The following TANGO2 variants were observed in gnomAD, a reference collection of about 807,000 sequenced individuals.
TANGO2 encodes the protein transport and Golgi organization protein 2 homolog.
TANGO2 carries 26 observed loss-of-function variants against 39.1 expected under a neutral mutation model. The ratio of observed to expected loss-of-function variants is 0.67; its 90% CI spans 0.49 to 0.92. The LOEUF (loss-of-function observed/expected upper bound fraction) is 0.92. TANGO2 is among the 40% of genes least tolerant of loss of function. The pLI, the probability that TANGO2 is intolerant of heterozygous loss-of-function variation, is 0.00. For synonymous variants in TANGO2, 131 were observed against 144.5 expected (o/e 0.91, Z 0.67); for missense variants, 326 against 360.1 (o/e 0.91, Z 0.77).
At chr22:20,032,416 G>C (rs1182719276) in intron 1 of TANGO2, among the ~76,000 whole-genome samples, 1 of 152,276 alleles carries the variant, frequency 6.6e-6, no homozygotes, top group African/African-American at 2.4e-5. Context: ...CAGATGTTCA[G>C]ATGCTTCTGG....
chr22:20,063,772 G>T (rs2048811657), intron 8 of TANGO2, among the ~76,000 whole-genome samples: 1 of 152,270 alleles, frequency 6.6e-6, no homozygotes, highest in Admixed American at 6.5e-5. Context: ...GGTGGTGGCT[G>T]CTGGCCAGCC....
chr22:20,053,516 G>T lies in TANGO2; in HGVS notation c.345G>T (p.Leu115=), dbSNP rs756927846. Residue 115 remains leucine (L), a synonymous_variant, in exon 5 of 9, where the codon CTG becomes CTT. Coordinates refer to ENST00000327374, the MANE Select transcript of TANGO2 (RefSeq NM_152906.7). ...YLKKVSMEGH[L]YNGFNLIAAD... ...AGAAGGTCTCTATGGAGGGCCATCT[G>T]TACAATGGCTTCAACCTCATAGCAG... is the stretch of plus-strand genomic sequence containing the variant. 6.2e-7 allele frequency: 1 copy of T among 1,613,798 alleles called. No homozygotes were observed. Among genetic ancestry groups the T allele is most frequent in the East Asian group, 2.2e-5 (1 of 44,872 alleles).
intron 6 of TANGO2, chr22:20,056,744 G>T (rs2047433990): frequency 2.2e-6 from 1 of 456,306 alleles, no homozygotes; most frequent in Non-Finnish European, 4.4e-6. Flanking sequence ...GCACTCCTGG[G>T]AAATGGCATT....
chr22:20,052,465 G>A lies in TANGO2; in HGVS notation c.146G>A (p.Gly49Glu), dbSNP rs2046533408. Residue 49 changes from glycine (G) to glutamate (E), a missense_variant and splice_region_variant, in exon 4 of 9, where the codon GGG (glycine) becomes GAG (glutamate). Gly to Glu is a moderately conservative substitution (Grantham distance 98). Transcript: ENST00000327374. ...FWGNNNEILS[G>E]LDMEEGKEGG... ...GTGGTAACACTGTCATCTGCCACAG[G>A]GCTGGACATGGAGGAAGGCAAGGAA... is the stretch of plus-strand genomic sequence containing the variant. 1 of 1,598,992 alleles carries A rather than the reference G, an allele frequency of 6.3e-7. No homozygotes were observed. The highest frequency in any genetic ancestry group is 8.5e-7 in the Non-Finnish European group (1 of 1,172,866).
Position 20,057,410 on chromosome 22 carries a change from G to A in TANGO2, c.451+1397G>A, listed in dbSNP as rs62222179. The stretch of plus-strand genomic sequence containing the variant: ...CAGAGGAGGCATCTGCCTGGAGGGT[G>A]GCTTCCAGTGTGTCCCACCCACTGC... On this transcript the variant is annotated intron_variant, in intron 6 of 8. Coordinates refer to ENST00000327374, the MANE Select transcript of TANGO2 (RefSeq NM_152906.7). The surrounding 1 kb of genome is among the most constrained non-coding windows in gnomAD (Gnocchi z 4.1). 0.15 allele frequency among the ~76,000 whole-genome samples: 23,558 copies of A among 152,120 alleles called. 2,595 individuals carry two copies. Among genetic ancestry groups the A allele is most frequent in the East Asian group, 0.51 (2,646 of 5,150 alleles).
At chr22:20,031,028 T>C (rs568363661) in intron 1 of TANGO2, among the ~76,000 whole-genome samples, 56 of 152,084 alleles carry the variant, frequency 3.7e-4, no homozygotes, top group Admixed American at 6.5e-4. Context: ...TGAAACCCCA[T>C]CTCTACTAAA....
At chr22:20,018,438 C>A (rs1945354946), upstream of TANGO2, among the ~76,000 whole-genome samples, 1 of 152,186 alleles carries the variant, frequency 6.6e-6, no homozygotes, top group Non-Finnish European at 1.5e-5. Context: ...GTCCAGCTGT[C>A]CCCAGCCATC....
upstream of TANGO2, among the ~76,000 whole-genome samples, chr22:20,017,477 A>C (rs1008764887): frequency 1.3e-5 from 2 of 151,982 alleles, no homozygotes; most frequent in Non-Finnish European, 2.9e-5. Context: ...CCCTCGGTAA[A>C]CCAGGGGCTC....
intron 7 of TANGO2, 102 bp downstream of exon 7, chr22:20,061,785 G>C: frequency 1.4e-6 from 2 of 1,391,566 alleles, no homozygotes; most frequent in Non-Finnish European, 1.9e-6. Flanking sequence ...AAGTGGCCAG[G>C]CTGGGTCCCC....
At chr22:20,041,592 G>C (rs910077842) in intron 2 of TANGO2, among the ~76,000 whole-genome samples, 7 of 151,902 alleles carry the variant, frequency 4.6e-5, no homozygotes, top group Non-Finnish European at 8.8e-5. Flanking sequence ...GATTACAGGC[G>C]TGAGCCACCG....
In TANGO2 at chr22:20,064,696, G is replaced by A; in HGVS notation, c.*34G>A. The A allele has an allele frequency of 6.2e-7, 1 of 1,612,298 alleles. No individual in the cohort carries two copies. The highest frequency in any genetic ancestry group is 8.5e-7 in the Non-Finnish European group (1 of 1,179,096). ...CTGGGCCTGGCCAGTGGGCTCCTGG[G>A]GGGCCCTGCCTTGAGGGGCACTGTG... is the stretch of plus-strand genomic sequence containing the variant. On this transcript the variant is annotated 3_prime_UTR_variant, in exon 9 of 9. Transcript: ENST00000327374.
chr22:20,031,207 A>T (rs1053517372), intron 1 of TANGO2, among the ~76,000 whole-genome samples: 12 of 151,496 alleles, frequency 7.9e-5, no homozygotes, highest in East Asian at 5.8e-4. Context: ...CAAAAAAAAA[A>T]AATTAGCCGG....
upstream of TANGO2, among the ~76,000 whole-genome samples, chr22:20,020,910 G>A (rs959052837): frequency 2.0e-5 from 3 of 152,126 alleles, no homozygotes; most frequent in African/African-American, 7.2e-5. Flanking sequence ...TCAGACGCCC[G>A]CGCAGCCCGA....
chr22:20,055,902 C>G (rs758759689), intron 5 of TANGO2, 41 bp from the exon 6 acceptor site: 1 of 1,560,474 alleles, frequency 6.4e-7, no homozygotes, highest in South Asian at 1.1e-5. Context: ...GGGAGGACGC[C>G]CTATGGCTGT....
At position 20,063,342 on chromosome 22, in the gene TANGO2, C is replaced by G; in HGVS notation, c.610C>G (p.Leu204Val). ...LDVLNNEEAQ[L>V]PDPAIEDQGG... ...CCACTTCTCTCCATCCTGCAGGCAG[C>G]TGCCAGACCCGGCCATCGAGGACCA... The change falls in exon 8 of 9, where the codon CTG (leucine) becomes GTG (valine). Residue 204 changes from leucine (L) to valine (V), a missense_variant. Transcript: ENST00000327374. 1 of 1,613,016 alleles carries G rather than the reference C, an allele frequency of 6.2e-7. No individual in the cohort carries two copies.
At chr22:20,027,769 G>A (rs1302742014) in intron 1 of TANGO2, among the ~76,000 whole-genome samples, 3 of 151,790 alleles carry the variant, frequency 2.0e-5, no homozygotes, top group Non-Finnish European at 4.4e-5. Flanking sequence ...CACCATGCTC[G>A]GCTAATTTTA....
At position 20,064,685 on chromosome 22, in the gene TANGO2, TG is replaced by T. The variant is rs1295938716; in HGVS notation, c.*26del. ...TAACCCCACCTCTGGGCCTGGCCAGTGGGCTCCTGGGGGGCCCTGCCTTGAG... is the reference window on the plus strand; with the variant it reads ...TAACCCCACCTCTGGGCCTGGCCAGTGGCTCCTGGGGGGCCCTGCCTTGAG... On this transcript the variant is annotated 3_prime_UTR_variant, in exon 9 of 9. Coordinates refer to ENST00000327374, the MANE Select transcript of TANGO2 (RefSeq NM_152906.7). 4 of 1,612,958 alleles carry T rather than the reference TG, an allele frequency of 2.5e-6. No homozygotes were observed. The highest frequency in any genetic ancestry group is 3.4e-6 in the Non-Finnish European group (4 of 1,179,482).
intron 1 of TANGO2, among the ~76,000 whole-genome samples, chr22:20,022,536 C>A (rs1281824607): frequency 6.6e-6 from 1 of 152,246 alleles, no homozygotes. Flanking sequence ...GTGGCCATAG[C>A]CCTTCCCTGA....
At chr22:20,042,395 G>C (rs1260217161) in intron 2 of TANGO2, among the ~76,000 whole-genome samples, 2 of 152,196 alleles carry the variant, frequency 1.3e-5, no homozygotes, top group East Asian at 3.9e-4. Flanking sequence ...TCCAAGCTGG[G>C]ACTTGAAAGT....
Sources: gnomAD v4.1 joint callset for allele counts (sites outside exome capture counted in the v4.1 genomes callset) on GRCh38, gnomAD v4.1.1 for gene constraint, Gnocchi (gnomAD v3.1) non-coding constraint, MANE v1.5 for transcripts, NCBI Gene and HGNC (gene_info 2026-07-23, HGNC 2026-07-21) for gene names.